TMEM30A: variants seen among roughly 807,000 people sequenced by gnomAD.
TMEM30A encodes cell cycle control protein 50A.
TMEM30A carries 24 observed loss-of-function variants against 38.2 expected under a neutral mutation model. The ratio of observed to expected loss-of-function variants is 0.63; its 90% CI spans 0.46 to 0.88. The LOEUF is 0.88. Ranked by LOEUF, TMEM30A falls within the 40% of genes least tolerant of loss-of-function variation. The probability of loss-of-function intolerance (pLI) is 0.00; values close to 1 mark genes in which losing one functional copy is unlikely to be tolerated. For missense variants in TMEM30A, 370 were observed against 458.6 expected (o/e 0.81, Z 1.77); for synonymous variants, 145 against 161.6 (o/e 0.90, Z 0.78).
chr6:75,254,972 T>C lies in TMEM30A; in HGVS notation c.*1130A>G, dbSNP rs414624. 0.89 allele frequency: 135,273 copies of C among 152,560 alleles called. 60,466 individuals carry two copies. The highest frequency in any genetic ancestry group is 0.95 in the Non-Finnish European group (64,295 of 67,966). 9.5% of individuals were successfully genotyped at this position (152,560 alleles called of 1,614,324 possible). A position where few individuals can be genotyped will look rare whatever the true frequency, so the allele number is the denominator to read the frequency against. On this transcript the variant is annotated 3_prime_UTR_variant, in exon 7 of 7. Coordinates refer to ENST00000230461, the MANE Select transcript of TMEM30A (RefSeq NM_018247.4). ...ATACTCCAAAATCCCCATAATTTAA[T>C]TAGGAAATTTATAGAACATCTTTTT...
chr6:75,271,852 C>A (rs1772177552), intron 1 of TMEM30A, among the ~76,000 whole-genome samples: 3 of 152,044 alleles, frequency 2.0e-5, no homozygotes, highest in African/African-American at 7.2e-5. Flanking sequence ...AAGAAAACTA[C>A]CTTAAATTCT....
chr6:75,271,273 A>G (rs1375082754), intron 1 of TMEM30A, among the ~76,000 whole-genome samples: 6 of 152,184 alleles, frequency 3.9e-5, no homozygotes, highest in African/African-American at 1.4e-4. Context: ...AACAAAAATA[A>G]TCTGATGGAA....
intron 2 of TMEM30A, 35 bp from the exon 3 acceptor site, chr6:75,265,373 A>G: frequency 7.8e-7 from 1 of 1,286,896 alleles, no homozygotes; most frequent in Non-Finnish European, 1.1e-6. Flanking sequence ...TTTTCATATA[A>G]AAACTATTCT....
Position 75,284,402 on chromosome 6 carries a change from C to T in TMEM30A, c.237G>A (p.Glu79=). 6.2e-7 allele frequency: 1 copy of T among 1,614,078 alleles called. No individual in the cohort carries two copies. Among genetic ancestry groups the T allele is most frequent in the Non-Finnish European group, 8.5e-7 (1 of 1,179,946 alleles). ...FVTSNNIREI[E]IDYTGTEPSS... is the part of the protein sequence containing the mutation. ...TCCCACCACAGCTCCCTCCCCTCAC[C>T]TCGATCTCGCGGATGTTGTTGGAGG... is the stretch of plus-strand genomic sequence containing the variant. Residue 79 remains glutamate, a splice_region_variant and synonymous_variant, in exon 1 of 7, where the codon GAG becomes GAA. Coordinates refer to ENST00000230461, the MANE Select transcript of TMEM30A (RefSeq NM_018247.4).
At chr6:75,280,890 A>C (rs1022777699) in intron 1 of TMEM30A, among the ~76,000 whole-genome samples, 19 of 152,148 alleles carry the variant, frequency 1.2e-4, no homozygotes, top group Admixed American at 5.2e-4. Context: ...CAGATGAGAA[A>C]TTTAATCTCC....
intron 1 of TMEM30A, among the ~76,000 whole-genome samples, chr6:75,269,199 A>C (rs889542173): frequency 6.6e-6 from 1 of 152,080 alleles, no homozygotes; most frequent in Non-Finnish European, 1.5e-5. Flanking sequence ...TAGGGTTCAC[A>C]CTTGGTGTAT....
At chr6:75,258,502 T>G in intron 6 of TMEM30A, among the ~76,000 whole-genome samples, 1 of 152,134 alleles carries the variant, frequency 6.6e-6, no homozygotes, top group Non-Finnish European at 1.5e-5. Flanking sequence ...CAATCTCCCT[T>G]GTAAAAATAC....
At chr6:75,264,143 G>A (rs1416246246) in intron 3 of TMEM30A, among the ~76,000 whole-genome samples, 2 of 152,152 alleles carry the variant, frequency 1.3e-5, no homozygotes, top group East Asian at 3.9e-4. Flanking sequence ...GACTTGTATT[G>A]CTTAAAATCC....
At chr6:75,269,559 G>T (rs1582281041) in intron 1 of TMEM30A, among the ~76,000 whole-genome samples, 1 of 152,186 alleles carries the variant, frequency 6.6e-6, no homozygotes, top group Non-Finnish European at 1.5e-5. Flanking sequence ...AGGACATCTT[G>T]GTTGCTTCCA....
chr6:75,271,722 A>G (rs1178504979), intron 1 of TMEM30A, among the ~76,000 whole-genome samples: 1 of 152,254 alleles, frequency 6.6e-6, no homozygotes, highest in African/African-American at 2.4e-5. Flanking sequence ...GCTAAGCTGG[A>G]ACCAAGGATT....
intron 3 of TMEM30A, among the ~76,000 whole-genome samples, chr6:75,261,368 C>A (rs1034611598): frequency 2.6e-5 from 4 of 152,180 alleles, no homozygotes; most frequent in Admixed American, 2.6e-4. Flanking sequence ...TCCAACTATA[C>A]AATCTGAAAT....
In TMEM30A at chr6:75,260,820, A is replaced by G; in HGVS notation, c.541+4T>C. 6.4e-7 allele frequency: 1 copy of G among 1,564,282 alleles called. No individual in the cohort carries two copies. Among genetic ancestry groups the G allele is most frequent in the Admixed American group, 2.0e-5 (1 of 49,016 alleles). The stretch of plus-strand genomic sequence containing the variant: ...ATATGTCTATATTTGTATCTATATC[A>G]TACCATTAAACATGCTGTTGGCAAT... On this transcript the variant is annotated splice_donor_region_variant and intron_variant, in intron 4 of 6. Transcript: ENST00000230461.
At chr6:75,281,952 T>C (rs1255417300) in intron 1 of TMEM30A, among the ~76,000 whole-genome samples, 1 of 152,218 alleles carries the variant, frequency 6.6e-6, no homozygotes, top group Non-Finnish European at 1.5e-5. Context: ...GCATCCAAAC[T>C]TTAAAAATAT....
intron 1 of TMEM30A, among the ~76,000 whole-genome samples, chr6:75,281,415 G>C (rs1262865641): frequency 6.6e-6 from 1 of 151,926 alleles, no homozygotes; most frequent in Non-Finnish European, 1.5e-5. Context: ...ATATTTTCTC[G>C]TGAATGATAA....
At chr6:75,278,860 A>C (rs1225597045) in intron 1 of TMEM30A, among the ~76,000 whole-genome samples, 1 of 152,054 alleles carries the variant, frequency 6.6e-6, no homozygotes, top group East Asian at 1.9e-4. Context: ...ATCGTTGTTC[A>C]TATTAATCAC....
chr6:75,267,555 G>C, intron 2 of TMEM30A, 86 bp downstream of exon 2: 1 of 909,882 alleles, frequency 1.1e-6, no homozygotes, highest in Non-Finnish European at 1.6e-6. Context: ...CTCTATAAAA[G>C]GAAAATACCT....
intron 4 of TMEM30A, 29 bp downstream of exon 4, chr6:75,260,795 A>G: frequency 7.4e-7 from 1 of 1,355,720 alleles, no homozygotes; most frequent in Non-Finnish European, 1.0e-6. Context: ...TCCTAATTAT[A>G]TATGTCTATA....
At chr6:75,280,550 T>C (rs915787320) in intron 1 of TMEM30A, among the ~76,000 whole-genome samples, 3 of 152,166 alleles carry the variant, frequency 2.0e-5, no homozygotes, top group Non-Finnish European at 2.9e-5. Flanking sequence ...TTTCTCATAA[T>C]TGGGATTCAA....
Position 75,256,132 on chromosome 6 carries a change from G to A in TMEM30A, c.1056C>T (p.Asn352=). 1 of 1,611,496 alleles carries A rather than the reference G, an allele frequency of 6.2e-7. No homozygotes were observed. The highest frequency in any genetic ancestry group is 1.1e-5 in the South Asian group (1 of 90,824). ...VLLVINHKYR[N]SSNTADITI ...TGGTAATGTCAGCTGTATTACTACTGTTTCTATATTTATGATTAATTACTA... is the reference window on the plus strand; with the variant it reads ...TGGTAATGTCAGCTGTATTACTACTATTTCTATATTTATGATTAATTACTA... Residue 352 remains asparagine (N), a synonymous_variant, in exon 7 of 7, where the codon AAC becomes AAT. Coordinates refer to ENST00000230461, the MANE Select transcript of TMEM30A (RefSeq NM_018247.4).
Sources: allele counts gnomAD v4.1 joint callset (sites outside exome capture counted in the v4.1 genomes callset), GRCh38; gene constraint gnomAD v4.1.1; transcripts MANE v1.5; gene names NCBI Gene and HGNC (gene_info 2026-07-23, HGNC 2026-07-21).